Variants in GALNT17 observed in about 807,000 individuals in gnomAD.
GALNT17 encodes the protein polypeptide N-acetylgalactosaminyltransferase 17.
Under a neutral mutation model 63.7 loss-of-function variants are expected in GALNT17, and 29 were observed. The observed-to-expected ratio is 0.46, with a 90% CI of 0.34 to 0.62. The LOEUF (loss-of-function observed/expected upper bound fraction) is 0.62. Among genes scored for constraint, GALNT17 ranks in the 20% least tolerant of loss-of-function variants. The pLI is 0.01. For missense variants in GALNT17, 603 were observed against 799.6 expected, an observed-to-expected ratio of 0.75 and a Z score of 2.97; for synonymous variants, 305 against 318.3, an observed-to-expected ratio of 0.96 and a Z score of 0.45.
At chr7:71,423,745 C>A (rs1272991471) in intron 5 of GALNT17, among the ~76,000 whole-genome samples, 4 of 151,814 alleles carry the variant, frequency 2.6e-5, no homozygotes, top group Admixed American at 6.6e-5. Context: ...CAGACTGTGT[C>A]TCCACTGAAA....
intron 1 of GALNT17, among the ~76,000 whole-genome samples, chr7:71,224,396 A>G (rs1478695705): frequency 6.6e-6 from 1 of 152,118 alleles, no homozygotes. Flanking sequence ...GTTTCTTATG[A>G]TGTTTTCCAT....
intron 5 of GALNT17, among the ~76,000 whole-genome samples, chr7:71,543,998 G>C (rs1788936968): frequency 6.6e-6 from 1 of 151,866 alleles, no homozygotes; most frequent in Non-Finnish European, 1.5e-5. Flanking sequence ...TCACCATGTT[G>C]GCCAGGCTGG....
chr7:71,178,655 A>G (rs1788682782), intron 1 of GALNT17, among the ~76,000 whole-genome samples: 1 of 152,114 alleles, frequency 6.6e-6, no homozygotes, highest in African/African-American at 2.4e-5. Context: ...TGCTTCTGCT[A>G]TCTTTGATAT....
chr7:71,628,001 C>A (rs1790398732), intron 6 of GALNT17, among the ~76,000 whole-genome samples: 1 of 151,822 alleles, frequency 6.6e-6, no homozygotes, highest in African/African-American at 2.4e-5. Flanking sequence ...ACACATACAG[C>A]ATGCAAGCAG....
chr7:71,201,241 T>TATTTATATATATATATATATATATATATA (rs1554338085), intron 1 of GALNT17, among the ~76,000 whole-genome samples: 1 of 138,382 alleles, frequency 7.2e-6, no homozygotes, highest in Non-Finnish European at 1.5e-5. Flanking sequence ...GTGTTTATTT[T>TATTTATATATATATATATATATATATATA]TATATATATA....
Position 71,377,114 on chromosome 7 carries a change from A to AAATATATATATATAT in GALNT17, c.423-11120_423-11119insATATATATATATATA. ...AAAAAAAAAAAATAAAAATAAAAAAAATATATATATATATATATATATATA... is the reference window on the plus strand; with the variant it reads ...AAAAAAAAAAAATAAAAATAAAAAAAAATATATATATATATATATATATATATATATATATATATA... On this transcript the variant is annotated intron_variant, in intron 2 of 10. Transcript: ENST00000333538. Among the ~76,000 whole-genome samples, 23 of 57,452 alleles carry AAATATATATATATAT rather than the reference A, an allele frequency of 4.0e-4. 3 individuals carry two copies. The highest frequency in any genetic ancestry group is 1.0e-3 in the Admixed American group (4 of 3,986). The allele number at this position is 57,452 out of a possible 152,430, so 37.7% of individuals were successfully genotyped here.
chr7:71,637,483 C>A (rs796596353), intron 6 of GALNT17, among the ~76,000 whole-genome samples: 1 of 142,004 alleles, frequency 7.0e-6, no homozygotes, highest in African/African-American at 2.7e-5. Context: ...GCCACCGCAC[C>A]TGGCCATTTT....
intron 5 of GALNT17, among the ~76,000 whole-genome samples, chr7:71,469,188 T>A (rs1481781671): frequency 6.6e-6 from 1 of 152,130 alleles, no homozygotes; most frequent in Non-Finnish European, 1.5e-5. Context: ...GGCCAATGAC[T>A]GCAAGGAAGT....
chr7:71,334,607 C>T (rs1791866195), intron 1 of GALNT17, among the ~76,000 whole-genome samples: 1 of 152,208 alleles, frequency 6.6e-6, no homozygotes. Flanking sequence ...AATTGCCCAT[C>T]AAGCTGTTTA....
intron 5 of GALNT17, among the ~76,000 whole-genome samples, chr7:71,423,532 T>C (rs954306876): frequency 6.6e-6 from 1 of 152,140 alleles, no homozygotes; most frequent in Non-Finnish European, 1.5e-5. Context: ...TTAAGTAAGA[T>C]AGCACGATGG....
At chr7:71,149,544 T>C (rs1788094324) in intron 1 of GALNT17, among the ~76,000 whole-genome samples, 1 of 152,084 alleles carries the variant, frequency 6.6e-6, no homozygotes, top group South Asian at 2.1e-4. Flanking sequence ...CAGGGAACCC[T>C]CCTTCACCCA....
At chr7:71,649,939 G>T (rs1379309516) in intron 6 of GALNT17, among the ~76,000 whole-genome samples, 2 of 152,168 alleles carry the variant, frequency 1.3e-5, no homozygotes. Context: ...TTTCCAAGGG[G>T]TATCTCAGGC....
Position 71,712,463 on chromosome 7 carries a change from A to G in GALNT17, c.*317A>G, listed in dbSNP as rs1475541982. 5.4e-6 allele frequency: 1 copy of G among 185,838 alleles called. No homozygotes were observed. The highest frequency in any genetic ancestry group is 1.1e-5 in the Non-Finnish European group (1 of 90,340). The allele number at this position is 185,838 out of a possible 1,614,324, so 11.5% of individuals were successfully genotyped here. On this transcript the variant is annotated 3_prime_UTR_variant, in exon 11 of 11. Transcript: ENST00000333538. ...TGTCCAGTTCTCCTCCACATCTCCC[A>G]TCCCAGAATCAGGATCTGGGACTGG...
intron 2 of GALNT17, among the ~76,000 whole-genome samples, chr7:71,338,580 G>T (rs551920413): frequency 4.6e-5 from 7 of 152,070 alleles, no homozygotes; most frequent in Non-Finnish European, 1.0e-4. Flanking sequence ...TGTGCTCTCA[G>T]ATTTAAGAAT....
chr7:71,470,929 A>G (rs1787617479), intron 5 of GALNT17, among the ~76,000 whole-genome samples: 1 of 152,172 alleles, frequency 6.6e-6, no homozygotes, highest in African/African-American at 2.4e-5. Flanking sequence ...ACCACAGTTA[A>G]TCCTTGGCAC....
chr7:71,299,772 T>G (rs193031522), intron 1 of GALNT17, among the ~76,000 whole-genome samples: 1 of 152,042 alleles, frequency 6.6e-6, no homozygotes. Flanking sequence ...TATTACAATT[T>G]TTTTTTTAAT....
At chr7:71,617,615 CTTTTGTTTG>C (rs947678312) in intron 6 of GALNT17, among the ~76,000 whole-genome samples, 1 of 106,664 alleles carries the variant, frequency 9.4e-6, no homozygotes, top group African/African-American at 3.3e-5. Flanking sequence ...CAACTGGCTG[CTTTTGTTTG>C]TTTGTTTGTT....
At chr7:71,479,435 C>A (rs1450987323) in intron 5 of GALNT17, among the ~76,000 whole-genome samples, 1 of 152,164 alleles carries the variant, frequency 6.6e-6, no homozygotes, top group East Asian at 1.9e-4. Flanking sequence ...GAGACAGCTT[C>A]CTTGATTATA....
chr7:71,531,746 C>G (rs961008588), intron 5 of GALNT17, among the ~76,000 whole-genome samples: 4 of 152,240 alleles, frequency 2.6e-5, no homozygotes, highest in African/African-American at 9.6e-5. Context: ...TGTACCACCA[C>G]TTCTGGTTTA....
Sources: gnomAD v4.1 joint callset for allele counts (sites outside exome capture counted in the v4.1 genomes callset) on GRCh38, gnomAD v4.1.1 for gene constraint, MANE v1.5 for transcripts, NCBI Gene and HGNC (gene_info 2026-07-23, HGNC 2026-07-21) for gene names.